RALYL: variants seen among roughly 807,000 people sequenced by gnomAD.
RALYL encodes the protein RNA-binding Raly-like protein.
Under a neutral mutation model 35.1 loss-of-function variants are expected in RALYL, and 29 were observed. That is an observed-to-expected ratio of 0.83 (90% CI 0.61 to 1.13). The LOEUF (loss-of-function observed/expected upper bound fraction) is 1.13, where lower values mean the gene tolerates loss of function less well. Ranked by LOEUF, RALYL falls within the 50% of genes most tolerant of loss-of-function variation. RALYL has a pLI of 0.00. For synonymous variants in RALYL, 120 were observed against 127.6 expected, an observed-to-expected ratio of 0.94 and a Z score of 0.40; for missense variants, 359 against 360.4, an observed-to-expected ratio of 1.00 and a Z score of 0.03.
At chr8:84,650,962 A>G (rs1273913089) in intron 2 of RALYL, among the ~76,000 whole-genome samples, 4 of 152,014 alleles carry the variant, frequency 2.6e-5, no homozygotes, top group African/African-American at 7.2e-5. Context: ...TCAGTAAACT[A>G]TCACAAGAAC....
At chr8:84,356,488 TATC>T (rs1172833609) in intron 1 of RALYL, among the ~76,000 whole-genome samples, 3 of 150,372 alleles carry the variant, frequency 2.0e-5, no homozygotes, top group African/African-American at 7.4e-5. Context: ...GACATCATGT[TATC>T]ATTAAAGGCA....
At chr8:84,877,471 C>T (rs1271176235) in intron 7 of RALYL, among the ~76,000 whole-genome samples, 2 of 151,638 alleles carry the variant, frequency 1.3e-5, no homozygotes, top group African/African-American at 4.8e-5. Flanking sequence ...TGGGCGACAG[C>T]GAGATTCCAT....
At chr8:84,410,887 C>G (rs1390568286) in intron 1 of RALYL, among the ~76,000 whole-genome samples, 2 of 151,622 alleles carry the variant, frequency 1.3e-5, no homozygotes, top group Non-Finnish European at 3.0e-5. Flanking sequence ...TGGTTTATGA[C>G]ATACATACAA....
intron 2 of RALYL, among the ~76,000 whole-genome samples, chr8:84,537,890 TC>T (rs1337307907): frequency 1.3e-5 from 2 of 152,238 alleles, no homozygotes; most frequent in Admixed American, 1.3e-4. Context: ...ACTGTAAGTT[TC>T]CTTAATTCTA....
intron 2 of RALYL, among the ~76,000 whole-genome samples, chr8:84,613,860 T>TTA (rs34184283): frequency 0.082 from 11,634 of 141,950 alleles, 546 homozygotes; most frequent in African/African-American, 0.093. Context: ...TTCTTCAGAT[T>TTA]TATATATATA....
rs1815765230 is a variant in RALYL, at chr8:84,600,826, C to A, written c.256+71249C>A. ...ACAGTGTGGTATTAGAAATAAACAT[C>A]AAACAGAACCTGTTGAAATGTCGGG... On this transcript the variant is annotated intron_variant, in intron 2 of 8. Coordinates refer to ENST00000521268, the MANE Select transcript of RALYL (RefSeq NM_173848.7). 2.6e-5 allele frequency among the ~76,000 whole-genome samples: 4 copies of A among 152,126 alleles called. No individual in the cohort carries two copies. The South Asian group carries it at 8.3e-4, about 32-fold the overall frequency.
At chr8:84,369,967 A>C (rs1447521189) in intron 1 of RALYL, among the ~76,000 whole-genome samples, 1 of 152,138 alleles carries the variant, frequency 6.6e-6, no homozygotes, top group Non-Finnish European at 1.5e-5. Flanking sequence ...ATGCAACACC[A>C]GCTATGATTT....
At chr8:84,862,527 T>C in intron 6 of RALYL, 74 bp downstream of exon 6, 1 of 1,174,826 alleles carries the variant, frequency 8.5e-7, no homozygotes, top group South Asian at 1.9e-5. Flanking sequence ...ATGCCTATAT[T>C]CAATAAATTA....
chr8:84,443,489 A>G (rs1488936720), intron 1 of RALYL, among the ~76,000 whole-genome samples: 1 of 152,186 alleles, frequency 6.6e-6, no homozygotes, highest in Non-Finnish European at 1.5e-5. Flanking sequence ...CTTGTCATGC[A>G]AATATGAACA....
At chr8:84,911,161 A>G (rs954781666) in intron 8 of RALYL, among the ~76,000 whole-genome samples, 2 of 152,074 alleles carry the variant, frequency 1.3e-5, no homozygotes, top group East Asian at 3.9e-4. Flanking sequence ...TCAACTAGCA[A>G]CTATCCATTG....
In RALYL at chr8:84,494,543, T is replaced by C. The variant is rs554744490; in HGVS notation, c.-23-34756T>C. Among the ~76,000 whole-genome samples the C allele has an allele frequency of 2.6e-4, 39 of 152,296 alleles. 2 individuals carry two copies. In the South Asian group the frequency reaches 8.1e-3, roughly 32 times the overall value. Reference sequence around the variant, plus strand: ...ATTCTTCCTGTCCATGAGGATGGAATGGTTTTCCATTTGTTTGTGTCCTCT... The same window carrying C: ...ATTCTTCCTGTCCATGAGGATGGAACGGTTTTCCATTTGTTTGTGTCCTCT... On this transcript the variant is annotated intron_variant, in intron 1 of 8. Coordinates refer to ENST00000521268, the MANE Select transcript of RALYL (RefSeq NM_173848.7).
chr8:84,458,696 A>G (rs1322076829), intron 1 of RALYL, among the ~76,000 whole-genome samples: 3 of 151,852 alleles, frequency 2.0e-5, no homozygotes, highest in African/African-American at 7.2e-5. Context: ...TGGTCTTCAT[A>G]ATGCCACTAA....
At chr8:84,698,151 G>C (rs1396304250) in intron 2 of RALYL, among the ~76,000 whole-genome samples, 1 of 151,972 alleles carries the variant, frequency 6.6e-6, no homozygotes, top group Non-Finnish European at 1.5e-5. Flanking sequence ...CAAGCTCTTT[G>C]AACTTGGCCC....
At chr8:84,724,660 AT>A (rs1427851188) in intron 2 of RALYL, among the ~76,000 whole-genome samples, 1 of 151,700 alleles carries the variant, frequency 6.6e-6, no homozygotes, top group East Asian at 1.9e-4. Flanking sequence ...GACCAGAAAA[AT>A]ATCCTGCTTC....
At chr8:84,330,771 G>A (rs1846658536) in intron 1 of RALYL, among the ~76,000 whole-genome samples, 1 of 151,850 alleles carries the variant, frequency 6.6e-6, no homozygotes, top group African/African-American at 2.4e-5. Context: ...TCAAACTGTG[G>A]GTTTTGATAG....
At chr8:84,476,370 C>T (rs2053421719) in intron 1 of RALYL, among the ~76,000 whole-genome samples, 1 of 152,158 alleles carries the variant, frequency 6.6e-6, no homozygotes, top group South Asian at 2.1e-4. Context: ...CTCCCATACA[C>T]AATGCTTTGA....
chr8:84,759,573 G>A (rs949488212), intron 2 of RALYL, among the ~76,000 whole-genome samples: 7 of 152,200 alleles, frequency 4.6e-5, no homozygotes, highest in Non-Finnish European at 1.0e-4. Context: ...AAGTAACTGG[G>A]TTTAGTTTAA....
intron 2 of RALYL, among the ~76,000 whole-genome samples, chr8:84,576,684 A>G (rs943461575): frequency 6.6e-6 from 1 of 152,234 alleles, no homozygotes; most frequent in Non-Finnish European, 1.5e-5. Context: ...CATTTTTTAA[A>G]GATTAAGTAA....
At chr8:84,891,692 T>A (rs1563819940) in intron 8 of RALYL, among the ~76,000 whole-genome samples, 1 of 152,150 alleles carries the variant, frequency 6.6e-6, no homozygotes, top group Non-Finnish European at 1.5e-5. Context: ...GGTTTAACAC[T>A]CAGTCCTTGC....
Sources: allele counts gnomAD v4.1 joint callset (sites outside exome capture counted in the v4.1 genomes callset), GRCh38; gene constraint gnomAD v4.1.1; transcripts MANE v1.5; gene names NCBI Gene and HGNC (gene_info 2026-07-23, HGNC 2026-07-21).